ZNF891: variants seen among roughly 807,000 people sequenced by gnomAD.
ZNF891 encodes hCG1646157.
For missense variants in ZNF891, 589 were observed against 632.7 expected (o/e 0.93, Z 0.74); for synonymous variants, 199 against 209.0 (o/e 0.95, Z 0.41).
chr12:133,123,848 C>A (rs1366368551), intron 1 of ZNF891, among the ~76,000 whole-genome samples: 1 of 152,108 alleles, frequency 6.6e-6, no homozygotes, highest in Non-Finnish European at 1.5e-5. Context: ...ACCCTTCATT[C>A]CTCATAGTTT....
In ZNF891 at chr12:133,121,570, TC is replaced by T; in HGVS notation, c.348del (p.Ile117PhefsTer22). On this transcript the variant is annotated frameshift_variant, in exon 2 of 2. Coordinates refer to ENST00000537226, the MANE Select transcript of ZNF891 (RefSeq NM_001277291.2). LOFTEE classifies it low-confidence loss of function (END_TRUNC). ...GTTGATTCTTTGGTTTTAGGTTGAA[TC>T]TTCTGGTCTGGACAGATGGCTTGGG... is the stretch of plus-strand genomic sequence containing the variant. The part of the protein sequence containing the change: ...RIPQAICPDQ[K>X]IQPKTKESTV... 1 of 1,536,600 alleles carries T rather than the reference TC, an allele frequency of 6.5e-7. No homozygotes were observed. The highest frequency in any genetic ancestry group is 8.7e-7 in the Non-Finnish European group (1 of 1,147,012).
rs887116170 is a variant in ZNF891 at position 133,114,696 on chromosome 12, T to C, written c.*5588A>G. ...ATACAGTGTGAAAGTGTGACAAGTA[T>C]TGTTAAAGCAGATGAAGGACACAAT... On this transcript the variant is annotated 3_prime_UTR_variant, in exon 2 of 2. Coordinates refer to ENST00000537226, the MANE Select transcript of ZNF891 (RefSeq NM_001277291.2). The C allele has an allele frequency of 2.6e-5, 4 of 152,206 alleles. No individual in the cohort carries two copies. Among genetic ancestry groups the C allele is most frequent in the Non-Finnish European group, 5.9e-5 (4 of 68,046 alleles). 9.4% of individuals were successfully genotyped at this position (152,206 alleles called of 1,614,324 possible). A position where few individuals can be genotyped will look rare whatever the true frequency, so the allele number is the denominator to read the frequency against.
At position 133,121,717 on chromosome 12, in the gene ZNF891, A is replaced by G; in HGVS notation, c.202T>C (p.Tyr68His). The G allele has an allele frequency of 6.5e-7, 1 of 1,536,716 alleles. No individual in the cohort carries two copies. The highest frequency in any genetic ancestry group is 8.7e-7 in the Non-Finnish European group (1 of 1,146,952). The change falls in exon 2 of 2, where the codon TAC becomes CAC. Residue 68 changes from tyrosine (Y) to histidine (H), a missense_variant. Physicochemically the swap from Tyr to His is moderately conservative, Grantham distance 83. Transcript: ENST00000537226. ...TAGTTTTCCAACATCACATCTCTGT[A>G]CAGACTTCTTTGAGCAGAATCCAGC... ...MMLDSAQRSL[Y>H]RDVMLENYRN...
Position 133,120,185 on chromosome 12 carries a change from T to C in ZNF891, c.*99A>G, listed in dbSNP as rs1955741223. 1 of 978,328 alleles carries C rather than the reference T, an allele frequency of 1.0e-6. No homozygotes were observed. The highest frequency in any genetic ancestry group is 1.6e-5 in the African/African-American group (1 of 61,436). The allele number at this position is 978,328 out of a possible 1,614,324, so 60.6% of individuals were successfully genotyped here. A position where few individuals can be genotyped will look rare whatever the true frequency, so the allele number is the denominator to read the frequency against. Reference sequence around the variant, plus strand: ...AATGTTATATTAAAAAAAGAGCCATTTGTAACCTTAAATCGTTCTTTTAGA... The same window carrying C: ...AATGTTATATTAAAAAAAGAGCCATCTGTAACCTTAAATCGTTCTTTTAGA... On this transcript the variant is annotated 3_prime_UTR_variant, in exon 2 of 2. Coordinates refer to ENST00000537226, the MANE Select transcript of ZNF891 (RefSeq NM_001277291.2).
chr12:133,119,308 C>G lies in ZNF891; in HGVS notation c.*976G>C, dbSNP rs912239594. 2.6e-5 allele frequency: 4 copies of G among 152,232 alleles called. No homozygotes were observed. Among genetic ancestry groups the G allele is most frequent in the African/African-American group, 9.6e-5 (4 of 41,528 alleles). 9.4% of individuals were successfully genotyped at this position (152,232 alleles called of 1,614,324 possible). ...CCTGTAATGCCAACACTTTGGGACGCCTAGGTGGGTGGATCACCTGAGGTC... is the reference window on the plus strand; with the variant it reads ...CCTGTAATGCCAACACTTTGGGACGGCTAGGTGGGTGGATCACCTGAGGTC... On this transcript the variant is annotated 3_prime_UTR_variant, in exon 2 of 2. Coordinates refer to ENST00000537226, the MANE Select transcript of ZNF891 (RefSeq NM_001277291.2).
At position 133,115,706 on chromosome 12, in the gene ZNF891, G is replaced by C. The variant is rs1955712179; in HGVS notation, c.*4578C>G. 1 of 152,130 alleles carries C rather than the reference G, an allele frequency of 6.6e-6. No individual in the cohort carries two copies. Among genetic ancestry groups the C allele is most frequent in the Admixed American group, 6.5e-5 (1 of 15,272 alleles). 9.4% of individuals were successfully genotyped at this position (152,130 alleles called of 1,614,324 possible). On this transcript the variant is annotated 3_prime_UTR_variant, in exon 2 of 2. Coordinates refer to ENST00000537226, the MANE Select transcript of ZNF891 (RefSeq NM_001277291.2). ...AGTATGATTCAAGTCAGAGAAACCA[G>C]TTAGGAGGCTATTGCAATAAAATCC...
chr12:133,120,839 G>A lies in ZNF891; in HGVS notation c.1080C>T (p.Ser360=). 6.4e-7 allele frequency: 1 copy of A among 1,555,374 alleles called. No homozygotes were observed. Among genetic ancestry groups the A allele is most frequent in the African/African-American group, 1.4e-5 (1 of 73,382 alleles). ...CKECGKVFND[S]STLRRHVRTH... ...TTCTTACATGTCTCCTTAAGGTTGA[G>A]GAATCATTGAACACTTTACCACATT... Residue 360 remains serine (S), a synonymous_variant, in exon 2 of 2, where the codon TCC becomes TCT. Coordinates refer to ENST00000537226, the MANE Select transcript of ZNF891 (RefSeq NM_001277291.2).
chr12:133,106,628 T>C lies in ZNF891; in HGVS notation c.*13656A>G, dbSNP rs1335018391. 2 of 1,596,506 alleles carry C rather than the reference T, an allele frequency of 1.3e-6. No homozygotes were observed. Among genetic ancestry groups the C allele is most frequent in the South Asian group, 1.1e-5 (1 of 87,980 alleles). ...ATATGAAAATTCATTTAATTACCAC[T>C]CATTCCTTACTGAACACCAGTGAAT... On this transcript the variant is annotated 3_prime_UTR_variant, in exon 2 of 2. Coordinates refer to ENST00000537226, the MANE Select transcript of ZNF891 (RefSeq NM_001277291.2).
rs1260236849 is a variant in ZNF891, at chr12:133,108,543, G to C, written c.*11741C>G. On this transcript the variant is annotated 3_prime_UTR_variant, in exon 2 of 2. Coordinates refer to ENST00000537226, the MANE Select transcript of ZNF891 (RefSeq NM_001277291.2). The stretch of plus-strand genomic sequence containing the variant: ...CAGGTATTCATTTACATAGTCTATG[G>C]CTCCTTACCTCTATAACTGAAGAGT... 1 of 151,896 alleles carries C rather than the reference G, an allele frequency of 6.6e-6. No individual in the cohort carries two copies. Among genetic ancestry groups the C allele is most frequent in the Non-Finnish European group, 1.5e-5 (1 of 68,008 alleles). The allele number at this position is 151,896 out of a possible 1,614,324, so 9.4% of individuals were successfully genotyped here.
Position 133,120,784 on chromosome 12 carries a change from T to C in ZNF891, c.1135A>G (p.Asn379Asp), listed in dbSNP as rs749761983. Residue 379 changes from asparagine to aspartate, a missense_variant, in exon 2 of 2, where the codon AAT (asparagine) becomes GAT (aspartate). Transcript: ENST00000537226. Reference protein sequence around the residue: ...THTGEKPYECNQCGKAFSQKT... With the variant: ...THTGEKPYECDQCGKAFSQKT... ...TGACTGAAAGCTTTTCCACATTGAT[T>C]ACATTCATAGGGTTTCTCTCCAGTG... The C allele has an allele frequency of 4.3e-5, 67 of 1,570,660 alleles. No individual in the cohort carries two copies. The highest frequency in any genetic ancestry group is 1.3e-5 in the Non-Finnish European group (15 of 1,158,728).
In ZNF891 at chr12:133,106,367, A is replaced by G. The variant is rs201313475; in HGVS notation, c.*13917T>C. 2 of 1,614,180 alleles carry G rather than the reference A, an allele frequency of 1.2e-6. No homozygotes were observed. The highest frequency in any genetic ancestry group is 1.7e-6 in the Non-Finnish European group (2 of 1,180,024). On this transcript the variant is annotated 3_prime_UTR_variant, in exon 2 of 2. Transcript: ENST00000537226. ...GCTCTATGAATGTGATGAATGTGGT[A>G]AAGTTTTCACTTGGCATGCATCCCT...
In ZNF891 at chr12:133,116,804, G is replaced by C. The variant is rs1430339674; in HGVS notation, c.*3480C>G. On this transcript the variant is annotated 3_prime_UTR_variant, in exon 2 of 2. Transcript: ENST00000537226. ...CATTTCCTTTCATTAATTTAAACTT[G>C]GCTGTTCCCTGGGAAGGAAAAAACA... The C allele has an allele frequency of 1.4e-4, 22 of 152,030 alleles. No individual in the cohort carries two copies. The highest frequency in any genetic ancestry group is 1.4e-3 in the Admixed American group (21 of 15,258). The allele number at this position is 152,030 out of a possible 1,614,324, so 9.4% of individuals were successfully genotyped here. A position where few individuals can be genotyped will look rare whatever the true frequency, so the allele number is the denominator to read the frequency against.
At chr12:133,124,252 C>T (rs1189672663) in intron 1 of ZNF891, among the ~76,000 whole-genome samples, 1 of 152,018 alleles carries the variant, frequency 6.6e-6, no homozygotes. Context: ...AACTATTTAA[C>T]AAATGATATC....
intron 1 of ZNF891, among the ~76,000 whole-genome samples, chr12:133,128,955 A>G (rs1952278597): frequency 6.6e-6 from 1 of 152,028 alleles, no homozygotes; most frequent in South Asian, 2.1e-4. Context: ...ATGTACACAT[A>G]TACCTTATAG....
chr12:133,121,080 A>G lies in ZNF891; in HGVS notation c.839T>C (p.Met280Thr), dbSNP rs913706832. The G allele has an allele frequency of 1.3e-6, 2 of 1,535,574 alleles. No individual in the cohort carries two copies. The highest frequency in any genetic ancestry group is 1.7e-6 in the Non-Finnish European group (2 of 1,146,814). ...SKHGMHFTHN[M>T]FPVPNNLHMA... The stretch of plus-strand genomic sequence containing the variant: ...ATGCAAATTGTTAGGTACAGGAAAC[A>G]TATTATGTGTGAAGTGCATTCCATG... The change falls in exon 2 of 2, where the codon ATG becomes ACG. Residue 280 changes from methionine (M) to threonine (T), a missense_variant. Physicochemically the swap from Met to Thr is moderately conservative, Grantham distance 81 (BLOSUM62 -1). Coordinates refer to ENST00000537226, the MANE Select transcript of ZNF891 (RefSeq NM_001277291.2).
In ZNF891 at chr12:133,111,590, T is replaced by C. The variant is rs1955682917; in HGVS notation, c.*8694A>G. On this transcript the variant is annotated 3_prime_UTR_variant, in exon 2 of 2. Transcript: ENST00000537226. Reference sequence around the variant, plus strand: ...CAATATCACAAAGGACAAAATTGCATGGAAAAAAATGGATATTGCATCAAA... The same window carrying C: ...CAATATCACAAAGGACAAAATTGCACGGAAAAAAATGGATATTGCATCAAA... The C allele has an allele frequency of 6.6e-6, 1 of 152,098 alleles. No individual in the cohort carries two copies. The highest frequency in any genetic ancestry group is 1.5e-5 in the Non-Finnish European group (1 of 68,010). 9.4% of individuals were successfully genotyped at this position (152,098 alleles called of 1,614,324 possible).
rs886685927 is a variant in ZNF891, at chr12:133,109,590, A to C, written c.*10694T>G. ...TGGGGGACGGGGGGCTCATATGTAC[A>C]CTGTGAAAAACTGCTAACCTCTTTT... is the stretch of plus-strand genomic sequence containing the variant. On this transcript the variant is annotated 3_prime_UTR_variant, in exon 2 of 2. Coordinates refer to ENST00000537226, the MANE Select transcript of ZNF891 (RefSeq NM_001277291.2). 4.6e-5 allele frequency: 7 copies of C among 152,216 alleles called. No homozygotes were observed. Among genetic ancestry groups the C allele is most frequent in the Non-Finnish European group, 1.0e-4 (7 of 68,046 alleles). 9.4% of individuals were successfully genotyped at this position (152,216 alleles called of 1,614,324 possible).
At position 133,111,544 on chromosome 12, in the gene ZNF891, A is replaced by T. The variant is rs993548041; in HGVS notation, c.*8740T>A. On this transcript the variant is annotated 3_prime_UTR_variant, in exon 2 of 2. Coordinates refer to ENST00000537226, the MANE Select transcript of ZNF891 (RefSeq NM_001277291.2). ...TTACAGAAATAATTTTTTAAAATAA[A>T]TTCTGCATCATGAACACCCTCAATA... The T allele has an allele frequency of 2.0e-5, 3 of 152,206 alleles. No individual in the cohort carries two copies. The highest frequency in any genetic ancestry group is 7.2e-5 in the African/African-American group (3 of 41,466). The allele number at this position is 152,206 out of a possible 1,614,324, so 9.4% of individuals were successfully genotyped here.
At chr12:133,123,094 G>C (rs1022495616) in intron 1 of ZNF891, among the ~76,000 whole-genome samples, 5 of 152,146 alleles carry the variant, frequency 3.3e-5, no homozygotes, top group African/African-American at 1.2e-4. Context: ...ACCGTCAAAT[G>C]CAAGTCTTTT....
Sources: allele counts gnomAD v4.1 joint callset (sites outside exome capture counted in the v4.1 genomes callset), GRCh38; gene constraint gnomAD v4.1.1; transcripts MANE v1.5; gene names NCBI Gene and HGNC (gene_info 2026-07-23, HGNC 2026-07-21).